Variants in CCDC60 observed in about 807,000 individuals in gnomAD.
The protein encoded by CCDC60 is coiled-coil domain containing 60, also known as coiled-coil domain-containing protein 60.
A neutral mutation model predicts 63.5 loss-of-function variants in CCDC60; 54 were observed. The ratio of observed to expected loss-of-function variants is 0.85; its 90% confidence interval spans 0.68 to 1.07. CCDC60 has a LOEUF of 1.07. Among genes scored for constraint, CCDC60 ranks in the 50% least tolerant of loss-of-function variants. The probability of loss-of-function intolerance (pLI) is 0.00; values close to 1 mark genes in which losing one functional copy is unlikely to be tolerated. For synonymous variants in CCDC60, 206 were observed against 238.8 expected (o/e 0.86, Z 1.27); for missense variants, 651 against 684.3 (o/e 0.95, Z 0.54).
chr12:119,347,334 A>AT (rs1955608062), intron 1 of CCDC60, among the ~76,000 whole-genome samples: 1 of 152,178 alleles, frequency 6.6e-6, no homozygotes, highest in South Asian at 2.1e-4. Context: ...AAACAGCTTA[A>AT]TTGGGTTGAA....
intron 11 of CCDC60, among the ~76,000 whole-genome samples, chr12:119,526,153 G>C (rs543520109): frequency 3.3e-5 from 5 of 152,236 alleles, no homozygotes; most frequent in African/African-American, 1.2e-4. Context: ...GACAAAACAA[G>C]CAATGGGGAA....
intron 2 of CCDC60, among the ~76,000 whole-genome samples, chr12:119,454,902 C>T (rs1419323431): frequency 6.6e-6 from 1 of 152,190 alleles, no homozygotes; most frequent in Non-Finnish European, 1.5e-5. Flanking sequence ...GTATTTGCTT[C>T]CATCTGCCAG....
intron 1 of CCDC60, among the ~76,000 whole-genome samples, chr12:119,404,463 C>A (rs951500794): frequency 7.9e-5 from 12 of 152,156 alleles, no homozygotes. Context: ...ATCAATGAGA[C>A]CCTGAGAGGG....
chr12:119,451,432 T>A (rs1378926862), intron 2 of CCDC60, among the ~76,000 whole-genome samples: 2 of 141,708 alleles, frequency 1.4e-5, no homozygotes, highest in Non-Finnish European at 3.1e-5. Context: ...TTGTCCTAGG[T>A]CTGCCTGTAA....
intron 2 of CCDC60, among the ~76,000 whole-genome samples, chr12:119,455,769 G>GAAAT (rs1393647450): frequency 7.2e-6 from 1 of 139,236 alleles, no homozygotes. Flanking sequence ...AGAAAAGAAA[G>GAAAT]AAAGAGTGAA....
rs73217266 is a variant in CCDC60, at chr12:119,410,197, G to C, written c.91-18486G>C. Among the ~76,000 whole-genome samples the C allele has an allele frequency of 0.22, 32,789 of 148,978 alleles. 3,548 individuals are homozygous for C. Among genetic ancestry groups the C allele is most frequent in the South Asian group, 0.4 (1,838 of 4,618 alleles). On this transcript the variant is annotated intron_variant, in intron 1 of 13. Coordinates refer to ENST00000327554, the MANE Select transcript of CCDC60 (RefSeq NM_178499.5). This position sits in a 1 kb window ranked among gnomAD's most constrained non-coding sequence, Gnocchi z 4.0. ...TGTTGGAAAGAGTGTGTGTGTGTGT[G>C]TGTCTGTGTGTGTGTGTGTGTGTGG...
At chr12:119,465,108 G>A (rs375830996) in intron 2 of CCDC60, among the ~76,000 whole-genome samples, 20 of 151,254 alleles carry the variant, frequency 1.3e-4, no homozygotes, top group Non-Finnish European at 2.2e-4. Flanking sequence ...TCAGGAGATC[G>A]AGACCATCCT....
In CCDC60 at chr12:119,436,945, A is replaced by C. The variant is rs550598405; in HGVS notation, c.170+8183A>C. 1.7e-4 allele frequency among the ~76,000 whole-genome samples: 26 copies of C among 152,246 alleles called. No homozygotes were observed. The South Asian group carries it at 2.1e-3, about 12-fold the overall frequency. ...ATTTCTGATCTTGGATTTCCATGAG[A>C]CCTTTCATATCCCTTATGACTCCAT... On this transcript the variant is annotated intron_variant, in intron 2 of 13. Coordinates refer to ENST00000327554, the MANE Select transcript of CCDC60 (RefSeq NM_178499.5).
intron 1 of CCDC60, among the ~76,000 whole-genome samples, chr12:119,386,587 G>A (rs1344388026): frequency 6.6e-6 from 1 of 152,058 alleles, no homozygotes; most frequent in Non-Finnish European, 1.5e-5. Flanking sequence ...ACATCTTTAG[G>A]AGTAGCCGTC....
At chr12:119,523,136 G>T in intron 10 of CCDC60, 135 bp downstream of exon 10, 2 of 816,066 alleles carry the variant, frequency 2.5e-6, no homozygotes, top group East Asian at 2.5e-5. Flanking sequence ...GAAGGACAAG[G>T]GATCCCCCAG....
At chr12:119,506,620 A>G (rs1206234598) in intron 7 of CCDC60, among the ~76,000 whole-genome samples, 2 of 152,006 alleles carry the variant, frequency 1.3e-5, no homozygotes, top group Non-Finnish European at 2.9e-5. Flanking sequence ...TCAAAAAGAG[A>G]AAAGAAGAGA....
At chr12:119,471,842 T>G in intron 2 of CCDC60, 152 bp from the exon 3 acceptor site, 2 of 509,560 alleles carry the variant, frequency 3.9e-6, no homozygotes, top group Non-Finnish European at 6.8e-6. Flanking sequence ...CTCACTCTCT[T>G]TCTCTATTTC....
chr12:119,513,306 C>T (rs1448076084), intron 7 of CCDC60, among the ~76,000 whole-genome samples: 4 of 152,138 alleles, frequency 2.6e-5, no homozygotes, highest in Non-Finnish European at 5.9e-5. Flanking sequence ...TGTGCGTTTC[C>T]TACAGCTGCT....
At chr12:119,391,187 A>T (rs551088224) in intron 1 of CCDC60, among the ~76,000 whole-genome samples, 31 of 152,300 alleles carry the variant, frequency 2.0e-4, no homozygotes, top group African/African-American at 7.2e-4. Context: ...GAGCTCCTCT[A>T]AGCCACAGTA....
At chr12:119,484,566 T>C (rs910938966) in intron 4 of CCDC60, among the ~76,000 whole-genome samples, 4 of 151,842 alleles carry the variant, frequency 2.6e-5, no homozygotes, top group Non-Finnish European at 5.9e-5. Context: ...ATACAAAAAC[T>C]GTCTGGGCAG....
chr12:119,392,502 A>G (rs1162923042), intron 1 of CCDC60, among the ~76,000 whole-genome samples: 1 of 152,234 alleles, frequency 6.6e-6, no homozygotes, highest in Non-Finnish European at 1.5e-5. Flanking sequence ...TACCTAGTAG[A>G]GTTGTGGTGG....
intron 1 of CCDC60, among the ~76,000 whole-genome samples, chr12:119,369,173 C>G (rs1187756203): frequency 6.6e-6 from 1 of 152,126 alleles, no homozygotes; most frequent in Non-Finnish European, 1.5e-5. Flanking sequence ...TTATACGAGG[C>G]CTTCCTTTCC....
intron 2 of CCDC60, among the ~76,000 whole-genome samples, chr12:119,446,783 T>TG (rs970858059): frequency 2.6e-5 from 4 of 152,292 alleles, no homozygotes; most frequent in Non-Finnish European, 4.4e-5. Flanking sequence ...TTTTTGTTTT[T>TG]TTTTAATTTG....
chr12:119,476,077 T>A (rs1486174812), intron 3 of CCDC60, among the ~76,000 whole-genome samples: 2 of 148,100 alleles, frequency 1.4e-5, no homozygotes, highest in East Asian at 1.9e-4. Flanking sequence ...AATTATTTTC[T>A]CCTCTCTGGA....
Sources: allele counts gnomAD v4.1 joint callset (sites outside exome capture counted in the v4.1 genomes callset), GRCh38; gene constraint gnomAD v4.1.1; non-coding constraint Gnocchi (gnomAD v3.1); transcripts MANE v1.5; gene names NCBI Gene and HGNC (gene_info 2026-07-23, HGNC 2026-07-21).